The following PCDHGB1 variants were observed in gnomAD, a reference collection of about 807,000 sequenced individuals.
PCDHGB1 encodes the protein protocadherin gamma-B1.
A neutral mutation model predicts 56.6 loss-of-function variants in PCDHGB1; 34 were observed. The ratio of observed to expected loss-of-function variants is 0.60; its 90% confidence interval spans 0.46 to 0.80. The LOEUF is 0.80. Ranked by LOEUF, PCDHGB1 falls within the 30% of genes least tolerant of loss-of-function variation. The probability of loss-of-function intolerance (pLI) is 0.00; values close to 1 mark genes in which losing one functional copy is unlikely to be tolerated. For synonymous variants in PCDHGB1, 561 were observed against 505.9 expected (o/e 1.11, Z -1.46); for missense variants, 1,278 against 1,204.6 (o/e 1.06, Z -0.90).
Position 141,370,766 on chromosome 5 carries a change from G to C in PCDHGB1, c.2409+18097G>C, listed in dbSNP as rs1205087920. On this transcript the variant is annotated intron_variant, in intron 1 of 3. Transcript: ENST00000523390. ...TTTTTCATGTAACTGTGCTGATCCA[G>C]GATATTAACGACAACCCACCGACCT... The C allele has an allele frequency of 1.9e-6, 3 of 1,613,834 alleles. No homozygotes were observed. In the African/African-American group the frequency reaches 4.0e-5, roughly 22 times the overall value.
chr5:141,423,382 C>G, intron 1 of PCDHGB1: 1 of 1,614,118 alleles, frequency 6.2e-7, no homozygotes, highest in Non-Finnish European at 8.5e-7. Flanking sequence ...CAGGCTGTGG[C>G]GCTGGCATAA....
chr5:141,394,500 C>T, intron 1 of PCDHGB1: 2 of 1,614,242 alleles, frequency 1.2e-6, no homozygotes, highest in Non-Finnish European at 8.5e-7. Context: ...GCCCGAGATC[C>T]TGTACCCCGC....
At position 141,493,093 on chromosome 5, in the gene PCDHGB1, A is replaced by G. The variant is rs78102761; in HGVS notation, c.2410-1714A>G. On this transcript the variant is annotated intron_variant, in intron 1 of 3. Transcript: ENST00000523390. The surrounding 1 kb of genome is among the most constrained non-coding windows in gnomAD (Gnocchi z 4.3). ...CTCCAACTCCAGGAGCTTTTATTCA[A>G]AATATATCAATGCCTAACTCTGCTC... 0.034 allele frequency among the ~76,000 whole-genome samples: 5,198 copies of G among 152,282 alleles called. 159 individuals carry two copies. Among genetic ancestry groups the G allele is most frequent in the African/African-American group, 0.079 (3,275 of 41,546 alleles).
chr5:141,427,955 G>A (rs749241312), intron 1 of PCDHGB1: 1 of 1,587,202 alleles, frequency 6.3e-7, no homozygotes, highest in Non-Finnish European at 8.6e-7. Context: ...ATGACAATGT[G>A]CCGCGGGTGC....
chr5:141,428,886 G>T (rs1002869474), intron 1 of PCDHGB1: 3 of 149,710 alleles, frequency 2.0e-5, no homozygotes, highest in Non-Finnish European at 2.9e-5. Context: ...ACGGAGTCTC[G>T]CTCTGTGGTC....
intron 1 of PCDHGB1, chr5:141,356,496 G>A (rs1760240782): frequency 6.2e-7 from 1 of 1,613,960 alleles, no homozygotes; most frequent in Non-Finnish European, 8.5e-7. Context: ...CTCCTCCACT[G>A]TCTACAGAAA....
In PCDHGB1 at chr5:141,415,739, GGTTTTT is replaced by G; in HGVS notation, c.2409+63071_2409+63076del. On this transcript the variant is annotated intron_variant, in intron 1 of 3. Coordinates refer to ENST00000523390, the MANE Select transcript of PCDHGB1 (RefSeq NM_018922.3). ...ATGAGTAGAATTTGATGTTTATTAA[GGTTTTT>G]TTTTTTTTTTTTTTTTTTTTTTTTT... is the stretch of plus-strand genomic sequence containing the variant. 1.4e-4 allele frequency: 59 copies of G among 434,890 alleles called. 1 individual carries two copies. The African/African-American group carries it at 1.6e-3, about 12-fold the overall frequency. The allele number at this position is 434,890 out of a possible 1,614,324, so 26.9% of individuals were successfully genotyped here.
Position 141,351,473 on chromosome 5 carries a change from G to A in PCDHGB1, c.1213G>A (p.Ala405Thr), listed in dbSNP as rs1758729090. The change falls in exon 1 of 4, where the codon GCC (alanine) becomes ACC (threonine). Residue 405 changes from alanine (A) to threonine (T), a missense_variant. Coordinates refer to ENST00000523390, the MANE Select transcript of PCDHGB1 (RefSeq NM_018922.3). Reference sequence around the variant, plus strand: ...TTATTACAAGCTGGTGATTGCTGGAGCCCTAAACCGGGAGCAGACAGCAGA... The same window carrying A: ...TTATTACAAGCTGGTGATTGCTGGAACCCTAAACCGGGAGCAGACAGCAGA... ...KNYYKLVIAG[A>T]LNREQTADYN... 6.2e-7 allele frequency: 1 copy of A among 1,613,814 alleles called. No individual in the cohort carries two copies.
At chr5:141,368,564 A>G (rs1368053393) in intron 1 of PCDHGB1, among the ~76,000 whole-genome samples, 1 of 152,176 alleles carries the variant, frequency 6.6e-6, no homozygotes, top group African/African-American at 2.4e-5. Flanking sequence ...AAAATGTTAT[A>G]TGCTTCTTAG....
In PCDHGB1 at chr5:141,381,826, C is replaced by CTTCTTTTTTTTTTT. The variant is rs1777532522; in HGVS notation, c.2409+29159_2409+29160insCTTTTTTTTTTTTT. On this transcript the variant is annotated intron_variant, in intron 1 of 3. Transcript: ENST00000523390. ...TTTCTTTCTTTCTTTCTTTCTTCTT[C>CTTCTTTTTTTTTTT]TTTTTTTTTTTTTTTTTTTTTTGGC... Among the ~76,000 whole-genome samples the CTTCTTTTTTTTTTT allele has an allele frequency of 5.4e-5, 4 of 74,282 alleles. 1 individual carries two copies. Among genetic ancestry groups the CTTCTTTTTTTTTTT allele is most frequent in the African/African-American group, 2.5e-4 (4 of 16,176 alleles). The allele number at this position is 74,282 out of a possible 152,430, so 48.7% of individuals were successfully genotyped here.
chr5:141,351,280 C>T lies in PCDHGB1; in HGVS notation c.1020C>T (p.Ala340=). 2 of 1,613,752 alleles carry T rather than the reference C, an allele frequency of 1.2e-6. No homozygotes were observed. Among genetic ancestry groups the T allele is most frequent in the Non-Finnish European group, 1.7e-6 (2 of 1,179,714 alleles). Residue 340 remains alanine (A), a synonymous_variant, in exon 1 of 4, where the codon GCC becomes GCT. Transcript: ENST00000523390. ...AAATTGTTGACGAGAATGACAATGC[C>T]CCAGAGGTGACATTCATGTCCTTCT... is the stretch of plus-strand genomic sequence containing the variant. The part of the protein sequence containing the change: ...QIEIVDENDN[A]PEVTFMSFSN...
chr5:141,512,395 C>T lies in PCDHGB1; in HGVS notation c.*1222C>T, dbSNP rs1229077213. ...ACCAAATGAACAGAAAGTCTCAGCCCAGGATGGGGCTTCTTCAACAGGGCC... is the reference window on the plus strand; with the variant it reads ...ACCAAATGAACAGAAAGTCTCAGCCTAGGATGGGGCTTCTTCAACAGGGCC... On this transcript the variant is annotated 3_prime_UTR_variant, in exon 4 of 4. Coordinates refer to ENST00000523390, the MANE Select transcript of PCDHGB1 (RefSeq NM_018922.3). 1 of 152,690 alleles carries T rather than the reference C, an allele frequency of 6.5e-6. No individual in the cohort carries two copies. Among genetic ancestry groups the T allele is most frequent in the Non-Finnish European group, 1.5e-5 (1 of 68,072 alleles). The allele number at this position is 152,690 out of a possible 1,614,324, so 9.5% of individuals were successfully genotyped here.
chr5:141,385,360 T>C, intron 1 of PCDHGB1: 1 of 1,545,774 alleles, frequency 6.5e-7, no homozygotes, highest in South Asian at 1.3e-5. Context: ...ATGAGGAATT[T>C]ATTTGCATGA....
intron 1 of PCDHGB1, among the ~76,000 whole-genome samples, chr5:141,463,948 C>A (rs1397198849): frequency 6.6e-6 from 1 of 151,846 alleles, no homozygotes; most frequent in Non-Finnish European, 1.5e-5. Context: ...TAGAAATCTT[C>A]ATTTTTAAAA....
chr5:141,431,698 ATT>A lies in PCDHGB1; in HGVS notation c.2410-63108_2410-63107del. The A allele has an allele frequency of 6.2e-7, 1 of 1,614,222 alleles. No homozygotes were observed. Among genetic ancestry groups the A allele is most frequent in the South Asian group, 1.1e-5 (1 of 91,090 alleles). ...GGGAGTTGGACCACGAGGAGTCAGG[ATT>A]CTACCAGATGGAAGTGCAAGCAATG... On this transcript the variant is annotated intron_variant, in intron 1 of 3. Transcript: ENST00000523390. The surrounding 1 kb of genome is among the most constrained non-coding windows in gnomAD (Gnocchi z 4.8).
At chr5:141,508,823 G>A (rs1445894402) in intron 3 of PCDHGB1, among the ~76,000 whole-genome samples, 1 of 151,966 alleles carries the variant, frequency 6.6e-6, no homozygotes, top group Admixed American at 6.6e-5. Flanking sequence ...GCCAGATCTG[G>A]GCCCCCCTCC....
At chr5:141,479,486 A>T (rs72790065) in intron 1 of PCDHGB1, 21,264 of 152,292 alleles carry the variant, frequency 0.14, 1,529 homozygotes, top group Admixed American at 0.16. Context: ...GGGCAGGACC[A>T]TCAGGTTGCC....
In PCDHGB1 at chr5:141,374,991, C is replaced by T. The variant is rs1470236717; in HGVS notation, c.2409+22322C>T. 4 of 1,614,036 alleles carry T rather than the reference C, an allele frequency of 2.5e-6. No individual in the cohort carries two copies. The Admixed American group carries it at 5.0e-5, about 20-fold the overall frequency. ...AATGTTTTGACTGGAGAAATTTCAACTTCTGCAAATCTAGACTATGAGGAC... is the reference window on the plus strand; with the variant it reads ...AATGTTTTGACTGGAGAAATTTCAATTTCTGCAAATCTAGACTATGAGGAC... On this transcript the variant is annotated intron_variant, in intron 1 of 3. Transcript: ENST00000523390.
rs745989563 is a variant in PCDHGB1, at chr5:141,490,728, T to G, written c.2410-4079T>G. The G allele has an allele frequency of 6.2e-7, 1 of 1,614,148 alleles. No individual in the cohort carries two copies. Among genetic ancestry groups the G allele is most frequent in the East Asian group, 2.2e-5 (1 of 44,882 alleles). ...GCCTCACCTACTCCATTGTAGGAAA[T>G]CAGGTTCAGGGAGCCCCAGCCTCCT... On this transcript the variant is annotated intron_variant, in intron 1 of 3. Transcript: ENST00000523390. The surrounding 1 kb of genome is among the most constrained non-coding windows in gnomAD (Gnocchi z 5.4).
Sources: gnomAD v4.1 joint callset for allele counts (sites outside exome capture counted in the v4.1 genomes callset) on GRCh38, gnomAD v4.1.1 for gene constraint, Gnocchi (gnomAD v3.1) non-coding constraint, MANE v1.5 for transcripts, NCBI Gene and HGNC (gene_info 2026-07-23, HGNC 2026-07-21) for gene names.